ADK: variants seen among roughly 807,000 people sequenced by gnomAD.
ADK encodes adenosine kinase, also known as N6,N6-dimethyladenosine kinase.
Under a neutral mutation model 44.7 loss-of-function variants are expected in ADK, and 24 were observed. The ratio of observed to expected loss-of-function variants is 0.54; its 90% CI spans 0.39 to 0.76. The LOEUF (loss-of-function observed/expected upper bound fraction) is 0.76. Ranked by LOEUF, ADK falls within the 30% of genes least tolerant of loss-of-function variation. The pLI is 0.00. For synonymous variants in ADK, 128 were observed against 142.6 expected (o/e 0.90, Z 0.73); for missense variants, 321 against 425.1 (o/e 0.76, Z 2.15).
rs536198262 is a variant in ADK at position 74,283,830 on chromosome 10, G to A, written c.195-30837G>A. Among the ~76,000 whole-genome samples, 21 of 151,116 alleles carry A rather than the reference G, an allele frequency of 1.4e-4. No individual in the cohort carries two copies. In the South Asian group the frequency reaches 4.0e-3, roughly 29 times the overall value. ...TGAGTAGCTGGGACTACAGGTGCCCGCCACCACGCCTGGCTAATTTTTTGT... is the reference window on the plus strand; with the variant it reads ...TGAGTAGCTGGGACTACAGGTGCCCACCACCACGCCTGGCTAATTTTTTGT... On this transcript the variant is annotated intron_variant, in intron 3 of 10. Coordinates refer to ENST00000539909, the MANE Select transcript of ADK (RefSeq NM_006721.4).
chr10:74,211,620 T>C (rs1196367004), intron 2 of ADK, among the ~76,000 whole-genome samples: 1 of 152,338 alleles, frequency 6.6e-6, no homozygotes, highest in African/African-American at 2.4e-5. Flanking sequence ...CAGTGTGTGC[T>C]GTCCACTAGA....
At chr10:74,158,935 T>C in intron 1 of ADK, among the ~76,000 whole-genome samples, 1 of 152,240 alleles carries the variant, frequency 6.6e-6, no homozygotes, top group East Asian at 1.9e-4. Context: ...AGACTTCTCT[T>C]CAACTTTTGG....
intron 7 of ADK, among the ~76,000 whole-genome samples, chr10:74,546,544 G>A (rs1489588640): frequency 1.3e-5 from 2 of 152,010 alleles, no homozygotes; most frequent in Non-Finnish European, 2.9e-5. Flanking sequence ...TATATAATAG[G>A]TAATGTGAGT....
At chr10:74,248,304 TA>T (rs939232727) in intron 3 of ADK, among the ~76,000 whole-genome samples, 11 of 152,122 alleles carry the variant, frequency 7.2e-5, no homozygotes, top group Non-Finnish European at 1.0e-4. Context: ...TGACTGTTAG[TA>T]GGAGTACTAG....
rs564194057 is a variant in ADK, at chr10:74,318,306, C to T, written c.273+3561C>T. On this transcript the variant is annotated intron_variant, in intron 4 of 10. Coordinates refer to ENST00000539909, the MANE Select transcript of ADK (RefSeq NM_006721.4). ...TCTCCACCTCCATCTCCTAGGACTA[C>T]AGGCACACCCTACCATACCTGGCTA... Among the ~76,000 whole-genome samples the T allele has an allele frequency of 1.3e-4, 20 of 152,230 alleles. No homozygotes were observed. In the South Asian group the frequency reaches 1.5e-3, roughly 11 times the overall value.
intron 6 of ADK, among the ~76,000 whole-genome samples, chr10:74,459,727 C>CAAAAAA (rs986375076): frequency 2.3e-5 from 1 of 42,740 alleles, no homozygotes. Context: ...GACTCCATCT[C>CAAAAAA]AAAAAAAAAA....
rs565189208 is a variant in ADK at position 74,407,677 on chromosome 10, C to T, written c.555+9098C>T. 8.5e-5 allele frequency among the ~76,000 whole-genome samples: 13 copies of T among 152,296 alleles called. No individual in the cohort carries two copies. In the East Asian group the frequency reaches 1.7e-3, roughly 20 times the overall value. On this transcript the variant is annotated intron_variant, in intron 6 of 10. Transcript: ENST00000539909. The stretch of plus-strand genomic sequence containing the variant: ...GTACTCTGCCCCAGCATGTGGTAGC[C>T]AGCTTGGCCTCCCTGAATGGAAACT...
At chr10:74,239,715 CAAA>C (rs61022417) in intron 3 of ADK, among the ~76,000 whole-genome samples, 34 of 85,022 alleles carry the variant, frequency 4.0e-4, no homozygotes, top group South Asian at 1.3e-3. Context: ...GACCTTGTCT[CAAA>C]AAAAAAAAAA....
chr10:74,203,830 T>G (rs1247575676), intron 2 of ADK, among the ~76,000 whole-genome samples: 2 of 151,794 alleles, frequency 1.3e-5, no homozygotes, highest in African/African-American at 2.4e-5. Flanking sequence ...TGGGGATAGC[T>G]TTTTCATTTC....
intron 7 of ADK, among the ~76,000 whole-genome samples, chr10:74,547,281 T>G (rs2133758691): frequency 1.3e-5 from 2 of 152,028 alleles, no homozygotes; most frequent in Middle Eastern, 3.4e-3. Flanking sequence ...ATGCATTGCC[T>G]TAACTTGTCA....
At chr10:74,678,356 A>C (rs1024504835) in intron 10 of ADK, among the ~76,000 whole-genome samples, 7 of 152,130 alleles carry the variant, frequency 4.6e-5, no homozygotes, top group African/African-American at 1.7e-4. Context: ...AGCCTTCGTT[A>C]GTTAAAAAAA....
chr10:74,699,689 A>G (rs1362307341), intron 10 of ADK, among the ~76,000 whole-genome samples: 1 of 152,226 alleles, frequency 6.6e-6, no homozygotes, highest in African/African-American at 2.4e-5. Flanking sequence ...AATAATAATT[A>G]TAAAATAGAG....
chr10:74,378,434 A>G (rs1842879616), intron 4 of ADK, among the ~76,000 whole-genome samples: 1 of 152,172 alleles, frequency 6.6e-6, no homozygotes, highest in African/African-American at 2.4e-5. Context: ...TAACATGAAT[A>G]GCTAATATTT....
chr10:74,570,268 A>T (rs370199291), intron 7 of ADK, among the ~76,000 whole-genome samples: 10 of 151,922 alleles, frequency 6.6e-5, no homozygotes, highest in African/African-American at 2.4e-4. Flanking sequence ...CTCTTTTTTG[A>T]TTCCATATGA....
At chr10:74,599,311 C>G (rs977193314) in intron 8 of ADK, among the ~76,000 whole-genome samples, 3 of 152,172 alleles carry the variant, frequency 2.0e-5, no homozygotes, top group African/African-American at 7.2e-5. Flanking sequence ...AAAAATATTT[C>G]ACCACTAATT....
intron 4 of ADK, among the ~76,000 whole-genome samples, chr10:74,356,523 A>G (rs1842152729): frequency 6.6e-6 from 1 of 152,208 alleles, no homozygotes; most frequent in Non-Finnish European, 1.5e-5. Flanking sequence ...ATTATTTTAT[A>G]AAATACCCAT....
chr10:74,446,750 T>C (rs1845601183), intron 6 of ADK, among the ~76,000 whole-genome samples: 2 of 152,286 alleles, frequency 1.3e-5, no homozygotes, highest in Admixed American at 6.5e-5. Flanking sequence ...TAAAAAGACA[T>C]GTAAACTAGT....
At chr10:74,470,273 C>G (rs1180557210) in intron 6 of ADK, among the ~76,000 whole-genome samples, 4 of 152,018 alleles carry the variant, frequency 2.6e-5, no homozygotes, top group African/African-American at 9.7e-5. Context: ...GATCCGCCTT[C>G]CTTGGCCTCC....
At chr10:74,390,275 A>G (rs1399305240) in intron 4 of ADK, among the ~76,000 whole-genome samples, 1 of 152,150 alleles carries the variant, frequency 6.6e-6, no homozygotes, top group Non-Finnish European at 1.5e-5. Flanking sequence ...GAGACATTTT[A>G]TGATATTAAC....
Sources: allele counts gnomAD v4.1 joint callset (sites outside exome capture counted in the v4.1 genomes callset), GRCh38; gene constraint gnomAD v4.1.1; transcripts MANE v1.5; gene names NCBI Gene and HGNC (gene_info 2026-07-23, HGNC 2026-07-21).